Variants in PHACTR1 observed in about 807,000 individuals in gnomAD.
PHACTR1 encodes RPEL repeat containing 1.
Under a neutral mutation model 69.2 loss-of-function variants are expected in PHACTR1, and 16 were observed. The ratio of observed to expected loss-of-function variants is 0.23; its 90% CI spans 0.16 to 0.35. PHACTR1 has a LOEUF of 0.35. Among genes scored for constraint, PHACTR1 ranks in the 10% least tolerant of loss-of-function variants. The pLI is 1.00. For synonymous variants in PHACTR1, 312 were observed against 284.5 expected (o/e 1.10, Z -0.97); for missense variants, 510 against 734.7 (o/e 0.69, Z 3.54).
At chr6:12,797,611 A>G (rs1773200380) in intron 4 of PHACTR1, among the ~76,000 whole-genome samples, 1 of 152,170 alleles carries the variant, frequency 6.6e-6, no homozygotes, top group South Asian at 2.1e-4. Context: ...CATAGGGGAA[A>G]GCACATGTAA....
chr6:12,874,433 A>AC (rs1417402356), intron 4 of PHACTR1, among the ~76,000 whole-genome samples: 1 of 152,200 alleles, frequency 6.6e-6, no homozygotes, highest in East Asian at 1.9e-4. Flanking sequence ...GTTTTTTAGA[A>AC]CAGCTGTATA....
chr6:13,259,399 C>G (rs549973607), intron 10 of PHACTR1, among the ~76,000 whole-genome samples: 3 of 152,300 alleles, frequency 2.0e-5, no homozygotes, highest in East Asian at 3.9e-4. Context: ...AGCAATATTA[C>G]AATACTTTTT....
intron 4 of PHACTR1, among the ~76,000 whole-genome samples, chr6:13,027,497 G>A (rs1801862170): frequency 6.6e-6 from 1 of 152,132 alleles, no homozygotes. Context: ...CACTTCTCAA[G>A]TTAAGGGGGC....
At chr6:12,782,312 C>A (rs1354792783) in intron 4 of PHACTR1, among the ~76,000 whole-genome samples, 3 of 152,110 alleles carry the variant, frequency 2.0e-5, no homozygotes, top group Admixed American at 6.5e-5. Flanking sequence ...CTAGTTCTGG[C>A]TACTCTCTTC....
At chr6:13,137,342 C>A (rs1018251752) in intron 5 of PHACTR1, among the ~76,000 whole-genome samples, 1 of 152,102 alleles carries the variant, frequency 6.6e-6, no homozygotes, top group Non-Finnish European at 1.5e-5. Flanking sequence ...CAAGATGTAC[C>A]TAGGCATTGA....
intron 4 of PHACTR1, among the ~76,000 whole-genome samples, chr6:12,888,215 A>C (rs2127464713): frequency 1.3e-5 from 2 of 152,062 alleles, no homozygotes; most frequent in Middle Eastern, 6.8e-3. Context: ...CTCTTTTGCC[A>C]CATGGGGATA....
At chr6:13,248,377 G>C (rs1773882306) in intron 10 of PHACTR1, among the ~76,000 whole-genome samples, 1 of 152,190 alleles carries the variant, frequency 6.6e-6, no homozygotes, top group South Asian at 2.1e-4. Context: ...TCAGCTGCAG[G>C]CTACCTAATT....
chr6:12,730,335 C>A (rs561591808), intron 3 of PHACTR1, among the ~76,000 whole-genome samples: 6 of 152,056 alleles, frequency 3.9e-5, no homozygotes, highest in Non-Finnish European at 8.8e-5. Context: ...CCAGTACTTA[C>A]AATTAATACT....
chr6:12,877,944 C>T (rs1486902283), intron 4 of PHACTR1, among the ~76,000 whole-genome samples: 1 of 152,174 alleles, frequency 6.6e-6, no homozygotes, highest in Non-Finnish European at 1.5e-5. Flanking sequence ...TGATCAGAGT[C>T]CCCCTCTCAC....
chr6:12,827,459 T>G (rs528577507), intron 4 of PHACTR1, among the ~76,000 whole-genome samples: 52 of 152,330 alleles, frequency 3.4e-4, no homozygotes, highest in South Asian at 1.2e-3. Context: ...CTAACTTAAG[T>G]AATACAGCTC....
At position 13,283,435 on chromosome 6, in the gene PHACTR1, C is replaced by T; in HGVS notation, c.1523C>T (p.Pro508Leu). Residue 508 changes from proline to leucine, a missense_variant, in exon 13 of 15, where the codon CCC (proline) becomes CTC (leucine). Pro to Leu is a moderately conservative substitution (Grantham distance 98). Around this residue, in one of 2 missense-constraint regions of PHACTR1, gnomAD observed 91 missense variants for 203.8 expected, o/e 0.45. Transcript: ENST00000332995. This position sits in a 1 kb window ranked among gnomAD's most constrained non-coding sequence, Gnocchi z 4.7. ...RRLTRKLSQRPTVEELRERKI... is the reference protein window; with the variant it reads ...RRLTRKLSQRLTVEELRERKI... ...CCCTCCCTGCAGCTCAGTCAAAGGC[C>T]CACGGTGGAAGAGCTTCGGGAAAGA... 6.2e-7 allele frequency: 1 copy of T among 1,613,678 alleles called. No individual in the cohort carries two copies. Among genetic ancestry groups the T allele is most frequent in the Non-Finnish European group, 8.5e-7 (1 of 1,179,782 alleles).
chr6:12,738,731 T>C lies in PHACTR1; in HGVS notation c.104-10913T>C, dbSNP rs531845375. On this transcript the variant is annotated intron_variant, in intron 3 of 14. Transcript: ENST00000332995. ...TACAAAAATTAGCCAGACGTCATGGTGTGCGCTTGTAGTCCCGGCTACTCA... is the reference window on the plus strand; with the variant it reads ...TACAAAAATTAGCCAGACGTCATGGCGTGCGCTTGTAGTCCCGGCTACTCA... Among the ~76,000 whole-genome samples the C allele has an allele frequency of 5.1e-4, 77 of 152,144 alleles. 1 individual carries two copies. Among genetic ancestry groups the C allele is most frequent in the African/African-American group, 1.8e-3 (73 of 41,498 alleles).
intron 10 of PHACTR1, among the ~76,000 whole-genome samples, chr6:13,247,803 A>G (rs562407776): frequency 1.6e-4 from 24 of 152,264 alleles, no homozygotes; most frequent in African/African-American, 5.5e-4. Flanking sequence ...GTAGTCTGCG[A>G]TGATCAAACC....
At chr6:12,943,502 A>G (rs1252971100) in intron 4 of PHACTR1, among the ~76,000 whole-genome samples, 1 of 152,244 alleles carries the variant, frequency 6.6e-6, no homozygotes, top group Non-Finnish European at 1.5e-5. Flanking sequence ...AATGGTTACA[A>G]TAGTGAATTT....
chr6:12,894,051 T>A (rs973115156), intron 4 of PHACTR1, among the ~76,000 whole-genome samples: 23 of 152,236 alleles, frequency 1.5e-4, no homozygotes, highest in African/African-American at 5.3e-4. Flanking sequence ...TTGGTCTCTT[T>A]ACTTTTTAAG....
At chr6:12,717,301 T>C (rs1051633626) in intron 1 of PHACTR1, among the ~76,000 whole-genome samples, 2 of 152,124 alleles carry the variant, frequency 1.3e-5, no homozygotes, top group Admixed American at 1.3e-4. Context: ...TTCTATTCTT[T>C]TGTAGCTGCA....
At chr6:13,182,770 G>T in intron 7 of PHACTR1, 84 bp downstream of exon 7, 1 of 1,380,642 alleles carries the variant, frequency 7.2e-7, no homozygotes, top group East Asian at 2.4e-5. Flanking sequence ...GCTGGACTTG[G>T]AATTCTATTT....
At chr6:12,926,052 G>A (rs1788240322) in intron 4 of PHACTR1, among the ~76,000 whole-genome samples, 1 of 151,946 alleles carries the variant, frequency 6.6e-6, no homozygotes, top group Non-Finnish European at 1.5e-5. Flanking sequence ...CCTCTGCAGT[G>A]TGGCTTTTGC....
chr6:13,161,226 C>G (rs1223543), intron 6 of PHACTR1, among the ~76,000 whole-genome samples: 6 of 152,322 alleles, frequency 3.9e-5, no homozygotes, highest in Non-Finnish European at 7.3e-5. Flanking sequence ...AATCTTCCCA[C>G]CTCAGCCTCC....
Sources: gnomAD v4.1 joint callset for allele counts (sites outside exome capture counted in the v4.1 genomes callset) on GRCh38, gnomAD v4.1.1 for gene constraint, gnomAD v4.1.1 regional missense constraint, Gnocchi (gnomAD v3.1) non-coding constraint, MANE v1.5 for transcripts, NCBI Gene and HGNC (gene_info 2026-07-23, HGNC 2026-07-21) for gene names.